The following DYNC2I1 variants were observed in gnomAD, a reference collection of about 807,000 sequenced individuals.
DYNC2I1 encodes the protein dynein 2 intermediate chain 1.
DYNC2I1 carries 89 observed loss-of-function variants against 133.4 expected under a neutral mutation model. That is an observed-to-expected ratio of 0.67 (90% CI 0.56 to 0.80). The LOEUF is 0.80. Among genes scored for constraint, DYNC2I1 ranks in the 30% least tolerant of loss-of-function variants. The probability of loss-of-function intolerance (pLI) is 0.00; values close to 1 mark genes in which losing one functional copy is unlikely to be tolerated. For synonymous variants in DYNC2I1, 504 were observed against 484.3 expected (o/e 1.04, Z -0.54); for missense variants, 1,291 against 1,314.5 (o/e 0.98, Z 0.28).
chr7:158,856,109 T>G (rs1216923690), upstream of DYNC2I1, among the ~76,000 whole-genome samples: 1 of 147,678 alleles, frequency 6.8e-6, no homozygotes, highest in Non-Finnish European at 1.5e-5. Context: ...GCCCAGCTAT[T>G]TTTTTTTTTT....
At chr7:158,846,901 C>A in the DYNC2I1 span, among the ~76,000 whole-genome samples, 5 of 152,150 alleles carry the variant, frequency 3.3e-5, no homozygotes, top group Non-Finnish European at 2.9e-5. Flanking sequence ...ATGAAAAAAT[C>A]TTTTGGATCT....
chr7:158,897,429 T>C (rs1845857915), intron 8 of DYNC2I1, among the ~76,000 whole-genome samples: 1 of 152,228 alleles, frequency 6.6e-6, no homozygotes, highest in Non-Finnish European at 1.5e-5. Context: ...TTAATAGGTA[T>C]AGGCCTATTC....
At chr7:158,856,808 C>T in intron 1 of DYNC2I1, 58 bp downstream of exon 1, 1 of 1,230,036 alleles carries the variant, frequency 8.1e-7, no homozygotes, top group Non-Finnish European at 1.0e-6. Flanking sequence ...CTCCTTCGGG[C>T]GCCGCTAGCA....
chr7:158,918,691 T>C, intron 14 of DYNC2I1, 49 bp from the exon 15 acceptor site: 1 of 1,596,022 alleles, frequency 6.3e-7, no homozygotes, highest in African/African-American at 1.3e-5. Context: ...TTGGAAAAGA[T>C]AATCCATTGT....
rs188727865 is a variant in DYNC2I1, at chr7:158,909,305, T to C, written c.1461-2245T>C. Among the ~76,000 whole-genome samples the C allele has an allele frequency of 3.1e-4, 37 of 118,852 alleles. No homozygotes were observed. The East Asian group carries it at 8.9e-3, about 28-fold the overall frequency. 78.0% of individuals were successfully genotyped at this position (118,852 alleles called of 152,430 possible). A position where few individuals can be genotyped will look rare whatever the true frequency, so the allele number is the denominator to read the frequency against. ...GAGATCGCACCACTGCACTACAGCC[T>C]GGGCGACAGAGCAAGACTCTGTCTC... On this transcript the variant is annotated intron_variant, in intron 11 of 24. Coordinates refer to ENST00000407559, the MANE Select transcript of DYNC2I1 (RefSeq NM_018051.5).
chr7:158,884,634 C>T lies in DYNC2I1; in HGVS notation c.935+15C>T. 6.2e-7 allele frequency: 1 copy of T among 1,612,260 alleles called. No individual in the cohort carries two copies. Among genetic ancestry groups the T allele is most frequent in the Non-Finnish European group, 8.5e-7 (1 of 1,179,114 alleles). ...ACCAGCAGCCAGTAAGGATTGCATG[C>T]CCTGTGGTCGACCTTTACGTGTGCC... On this transcript the variant is annotated intron_variant, in intron 6 of 24. Transcript: ENST00000407559.
intron 8 of DYNC2I1, among the ~76,000 whole-genome samples, chr7:158,899,326 GTACACAAACACACA>G (rs1846023024): frequency 6.6e-6 from 1 of 152,138 alleles, no homozygotes; most frequent in Non-Finnish European, 1.5e-5. Flanking sequence ...ATGCATATGT[GTACACAAACACACA>G]TACACACACA....
chr7:158,953,484 T>TTAGCTTGGGGAAGGTGGTGA, intron 4 of DYNC2I1, among the ~76,000 whole-genome samples: 1 of 152,232 alleles, frequency 6.6e-6, no homozygotes, highest in East Asian at 1.9e-4. Context: ...TTGATACAAA[T>TTAGCTTGGGGAAGGTGGTGA]ATAACCTATC....
chr7:158,867,828 G>C (rs1483670480), intron 1 of DYNC2I1, among the ~76,000 whole-genome samples: 1 of 152,150 alleles, frequency 6.6e-6, no homozygotes. Flanking sequence ...ACCACAGCCA[G>C]GTGGAAGCTC....
chr7:158,871,471 G>T lies in DYNC2I1; in HGVS notation c.399G>T (p.Glu133Asp), dbSNP rs367611794. 11 of 1,549,006 alleles carry T rather than the reference G, an allele frequency of 7.1e-6. No homozygotes were observed. In the South Asian group the frequency reaches 9.5e-5, roughly 13 times the overall value. ...AAGACAGAAGGGCCCGGAAGGAAGA[G>T]CTCCGGCAGACCGTGGCCCACCACA... ...KEKDRRARKE[E>D]LRQTVAHHNL... The change falls in exon 3 of 25, where the codon GAG becomes GAT. Residue 133 changes from glutamate (E) to aspartate (D), a missense_variant. By Grantham distance (45) the Glu-to-Asp change is conservative. Transcript: ENST00000407559.
intron 1 of DYNC2I1, among the ~76,000 whole-genome samples, chr7:158,864,578 C>T (rs1434338690): frequency 2.6e-5 from 4 of 152,044 alleles, no homozygotes; most frequent in Admixed American, 2.6e-4. Context: ...GCAGTTATCA[C>T]AGCTCACTGC....
intron 6 of DYNC2I1, among the ~76,000 whole-genome samples, chr7:158,886,760 T>C (rs1844647968): frequency 6.6e-6 from 1 of 151,968 alleles, no homozygotes; most frequent in South Asian, 2.1e-4. Flanking sequence ...TGTGCCACCA[T>C]GCCAGGCTAA....
At position 158,856,577 on chromosome 7, in the gene DYNC2I1, G is replaced by A. The variant is rs746516044; in HGVS notation, c.-159G>A. On this transcript the variant is annotated 5_prime_UTR_variant, in exon 1 of 25. Transcript: ENST00000407559. ...CGCACTGGGAGAGGCCGCAGGGCAC[G>A]CTGGGCAGTGCTTCTGGGCCCTCTG... The A allele has an allele frequency of 7.1e-6, 5 of 705,626 alleles. No homozygotes were observed. The highest frequency in any genetic ancestry group is 4.4e-5 in the Admixed American group (1 of 22,866). 43.7% of individuals were successfully genotyped at this position (705,626 alleles called of 1,614,324 possible).
At chr7:158,864,965 C>T (rs1842270695) in intron 1 of DYNC2I1, among the ~76,000 whole-genome samples, 1 of 152,226 alleles carries the variant, frequency 6.6e-6, no homozygotes, top group Non-Finnish European at 1.5e-5. Context: ...CCAGTGGCAC[C>T]TTCTCGCTGG....
At chr7:158,863,948 C>T (rs1240643027) in intron 1 of DYNC2I1, among the ~76,000 whole-genome samples, 2 of 104,030 alleles carry the variant, frequency 1.9e-5, no homozygotes, top group African/African-American at 7.6e-5. Context: ...GGGTGGGGAG[C>T]GGGACGTCCT....
Position 158,906,100 on chromosome 7 carries a change from A to T in DYNC2I1, c.1460+9A>T, listed in dbSNP as rs780361021. 6.2e-7 allele frequency: 1 copy of T among 1,610,564 alleles called. No individual in the cohort carries two copies. The highest frequency in any genetic ancestry group is 1.1e-5 in the South Asian group (1 of 90,592). Reference sequence around the variant, plus strand: ...CAGGCCCTTAAGCAAAAGTAGGTGTATTGGGAAAGCAGCCAAAGGTGTTCA... The same window carrying T: ...CAGGCCCTTAAGCAAAAGTAGGTGTTTTGGGAAAGCAGCCAAAGGTGTTCA... On this transcript the variant is annotated intron_variant, in intron 11 of 24. Coordinates refer to ENST00000407559, the MANE Select transcript of DYNC2I1 (RefSeq NM_018051.5).
At chr7:158,935,803 C>T (rs976901090) in intron 23 of DYNC2I1, among the ~76,000 whole-genome samples, 5 of 152,210 alleles carry the variant, frequency 3.3e-5, no homozygotes, top group South Asian at 4.1e-4. Flanking sequence ...CTGTGGCTCA[C>T]GCCTGTAATC....
At chr7:158,869,081 G>T (rs190814032) in intron 1 of DYNC2I1, among the ~76,000 whole-genome samples, 73 of 152,300 alleles carry the variant, frequency 4.8e-4, no homozygotes, top group Admixed American at 4.5e-3. Flanking sequence ...CTGGGGCCTC[G>T]GCTGGGGAGA....
Position 158,926,319 on chromosome 7 carries a change from T to A in DYNC2I1, c.2371+19T>A, listed in dbSNP as rs755315767. 9.3e-5 allele frequency: 149 copies of A among 1,605,716 alleles called. No individual in the cohort carries two copies. The highest frequency in any genetic ancestry group is 8.5e-6 in the Non-Finnish European group (10 of 1,175,606). ...CAAGAAGGTACGTGATTCTTCACTT[T>A]CTTAAAATCCTTCATCAATGGTTGT... On this transcript the variant is annotated intron_variant, in intron 18 of 24. Transcript: ENST00000407559.
Sources: gnomAD v4.1 joint callset for allele counts (sites outside exome capture counted in the v4.1 genomes callset) on GRCh38, gnomAD v4.1.1 for gene constraint, MANE v1.5 for transcripts, NCBI Gene and HGNC (gene_info 2026-07-23, HGNC 2026-07-21) for gene names.